Variants in CCDC18 observed in about 807,000 individuals in gnomAD.
CCDC18 encodes the protein coiled-coil domain-containing protein 18.
CCDC18 carries 157 observed loss-of-function variants against 196.0 expected under a neutral mutation model. The ratio of observed to expected loss-of-function variants is 0.80; its 90% CI spans 0.70 to 0.91. The LOEUF (loss-of-function observed/expected upper bound fraction) is 0.91, where lower values mean the gene tolerates loss of function less well. CCDC18 is among the 40% of genes least tolerant of loss of function. The probability of loss-of-function intolerance (pLI) is 0.00; values close to 1 mark genes in which losing one functional copy is unlikely to be tolerated. For missense variants in CCDC18, 1,465 were observed against 1,611.6 expected (o/e 0.91, Z 1.56); for synonymous variants, 482 against 529.2 (o/e 0.91, Z 1.22).
At chr1:93,239,586 C>A in intron 20 of CCDC18, 97 bp from the exon 21 acceptor site, 1 of 1,363,288 alleles carries the variant, frequency 7.3e-7, no homozygotes, top group South Asian at 1.4e-5. Flanking sequence ...GGTATTTTGC[C>A]TCTCGTAGAT....
At chr1:93,209,177 C>T (rs956441355) in intron 9 of CCDC18, among the ~76,000 whole-genome samples, 7 of 151,914 alleles carry the variant, frequency 4.6e-5, no homozygotes, top group South Asian at 2.1e-4. Context: ...AGGCTGGTCT[C>T]GAACTCCCAA....
intron 21 of CCDC18, among the ~76,000 whole-genome samples, chr1:93,244,607 A>G (rs1661255037): frequency 6.6e-6 from 1 of 152,112 alleles, no homozygotes; most frequent in Non-Finnish European, 1.5e-5. Flanking sequence ...TTTGTGGGGG[A>G]CTGATGGAAA....
At chr1:93,213,371 T>C (rs1271158833) in intron 11 of CCDC18, among the ~76,000 whole-genome samples, 2 of 152,026 alleles carry the variant, frequency 1.3e-5, no homozygotes, top group African/African-American at 4.8e-5. Flanking sequence ...GGATCCTTTG[T>C]ACTTTTTCCC....
chr1:93,205,346 A>G (rs961525000), intron 7 of CCDC18, among the ~76,000 whole-genome samples, 164 bp from the exon 8 acceptor site: 2 of 152,162 alleles, frequency 1.3e-5, no homozygotes, highest in African/African-American at 4.8e-5. Context: ...GCTACTGCCC[A>G]GGAACTTCAC....
chr1:93,191,005 T>C, intron 4 of CCDC18: 1 of 1,017,592 alleles, frequency 9.8e-7, no homozygotes, highest in Non-Finnish European at 1.5e-6. Context: ...TTTCTAGGGT[T>C]GGTGCTTGCC....
intron 21 of CCDC18, among the ~76,000 whole-genome samples, chr1:93,243,997 C>T (rs1462691115): frequency 2.6e-5 from 4 of 152,172 alleles, no homozygotes; most frequent in African/African-American, 7.2e-5. Flanking sequence ...TACAGTAGTG[C>T]CCCACTTTAC....
At chr1:93,272,451 A>G (rs1211915656) in intron 28 of CCDC18, among the ~76,000 whole-genome samples, 2 of 152,230 alleles carry the variant, frequency 1.3e-5, no homozygotes, top group African/African-American at 4.8e-5. Context: ...CCAAGAAGTT[A>G]AAGATTCAGT....
chr1:93,259,813 A>T (rs1169630865), intron 26 of CCDC18, among the ~76,000 whole-genome samples: 1 of 152,238 alleles, frequency 6.6e-6, no homozygotes. Context: ...AGTAACTATC[A>T]GTAATAATTA....
At chr1:93,229,797 C>A (rs976508048) in intron 17 of CCDC18, among the ~76,000 whole-genome samples, 1 of 151,984 alleles carries the variant, frequency 6.6e-6, no homozygotes, top group Non-Finnish European at 1.5e-5. Context: ...TTTAACAATG[C>A]TTTTAAAATA....
intron 16 of CCDC18, 22 bp from the exon 17 acceptor site, chr1:93,226,311 T>TTTGA: frequency 2.2e-6 from 2 of 920,164 alleles, no homozygotes; most frequent in African/African-American, 1.7e-5. Context: ...TTTTTTTTTT[T>TTTGA]TTTGCTTTTT....
intron 19 of CCDC18, 52 bp downstream of exon 19, chr1:93,236,442 C>G (rs1301205239): frequency 6.5e-7 from 1 of 1,528,912 alleles, no homozygotes; most frequent in African/African-American, 1.4e-5. Flanking sequence ...TCAGTGGTAT[C>G]TGAGTTTTGA....
chr1:93,236,955 A>G (rs1490078561), intron 19 of CCDC18, among the ~76,000 whole-genome samples: 1 of 152,170 alleles, frequency 6.6e-6, no homozygotes. Flanking sequence ...ATTGGTCAAG[A>G]AAGGAACCCA....
At chr1:93,265,523 T>C (rs1004576893) in intron 27 of CCDC18, among the ~76,000 whole-genome samples, 1 of 152,174 alleles carries the variant, frequency 6.6e-6, no homozygotes, top group Non-Finnish European at 1.5e-5. Context: ...TAATGCAGAA[T>C]AGGAAAAAGA....
At chr1:93,275,860 T>A (rs938830439) in intron 28 of CCDC18, among the ~76,000 whole-genome samples, 2 of 152,270 alleles carry the variant, frequency 1.3e-5, no homozygotes, top group African/African-American at 4.8e-5. Flanking sequence ...TAATCTGCAC[T>A]ATTAAAAAAT....
chr1:93,220,261 G>T (rs1474390471), intron 14 of CCDC18, among the ~76,000 whole-genome samples: 1 of 152,032 alleles, frequency 6.6e-6, no homozygotes, highest in Non-Finnish European at 1.5e-5. Context: ...GAAAAAAACT[G>T]TCATTCTATT....
At chr1:93,216,545 G>A in intron 12 of CCDC18, 91 bp from the exon 13 acceptor site, 1 of 591,062 alleles carries the variant, frequency 1.7e-6, no homozygotes, top group Non-Finnish European at 2.9e-6. Flanking sequence ...CAATGTATTT[G>A]AACTTTGAAA....
chr1:93,180,718 C>A (rs756602326), upstream of CCDC18: 1 of 1,360,374 alleles, frequency 7.4e-7, no homozygotes, highest in Middle Eastern at 2.1e-4. Context: ...CAACGGCTCC[C>A]GCGGCGGTTC....
At chr1:93,264,950 G>T (rs762951977) in intron 27 of CCDC18, 49 bp downstream of exon 27, 1 of 1,324,312 alleles carries the variant, frequency 7.6e-7, no homozygotes, top group Admixed American at 1.7e-5. Context: ...AAACATAAAT[G>T]TCTGACTTAT....
At chr1:93,180,072 C>T (rs140287988), upstream of CCDC18, 56 of 1,612,970 alleles carry the variant, frequency 3.5e-5, no homozygotes, top group Admixed American at 9.0e-4. Context: ...CGATCTCCAG[C>T]GAGGCCTTCA....
Sources: allele counts gnomAD v4.1 joint callset (sites outside exome capture counted in the v4.1 genomes callset), GRCh38; gene constraint gnomAD v4.1.1; transcripts MANE v1.5; gene names NCBI Gene and HGNC (gene_info 2026-07-23, HGNC 2026-07-21).